The following CSMD3 variants were observed in gnomAD, a reference collection of about 807,000 sequenced individuals.
The protein encoded by CSMD3 is CUB and sushi domain-containing protein 3.
A neutral mutation model predicts 435.2 loss-of-function variants in CSMD3; 177 were observed. That is an observed-to-expected ratio of 0.41 (90% confidence interval 0.36 to 0.46). The LOEUF (loss-of-function observed/expected upper bound fraction) is 0.46, where lower values mean the gene tolerates loss of function less well. CSMD3 is among the 20% of genes least tolerant of loss of function. The pLI, the probability that CSMD3 is intolerant of heterozygous loss-of-function variation, is 0.34. For synonymous variants in CSMD3, 1,656 were observed against 1,520.5 expected (o/e 1.09, Z -2.07); for missense variants, 4,265 against 4,504.6 (o/e 0.95, Z 1.52).
intron 10 of CSMD3, among the ~76,000 whole-genome samples, chr8:112,894,964 C>T (rs1335447813): frequency 1.3e-5 from 2 of 151,220 alleles, no homozygotes; most frequent in Non-Finnish European, 3.0e-5. Context: ...GAAGTAATCA[C>T]TTTTTGCTAG....
At chr8:112,986,398 G>A (rs2130993265) in intron 6 of CSMD3, among the ~76,000 whole-genome samples, 1 of 152,102 alleles carries the variant, frequency 6.6e-6, no homozygotes, top group East Asian at 1.9e-4. Context: ...TTGATCCTGT[G>A]AAAACTTTTG....
At chr8:113,217,592 C>T (rs1455819605) in intron 3 of CSMD3, among the ~76,000 whole-genome samples, 1 of 151,446 alleles carries the variant, frequency 6.6e-6, no homozygotes, top group African/African-American at 2.4e-5. Flanking sequence ...GAGAATTTAA[C>T]AGCGTATTCA....
At chr8:113,369,336 G>A (rs1039327177) in intron 1 of CSMD3, among the ~76,000 whole-genome samples, 1 of 151,722 alleles carries the variant, frequency 6.6e-6, no homozygotes, top group South Asian at 2.1e-4. Flanking sequence ...GAGAAAAAAA[G>A]AACTTTCTCC....
At chr8:112,272,447 T>C (rs1817611905) in intron 59 of CSMD3, among the ~76,000 whole-genome samples, 1 of 152,152 alleles carries the variant, frequency 6.6e-6, no homozygotes, top group African/African-American at 2.4e-5. Context: ...AAAAATTGTG[T>C]CTACAGAGGC....
At chr8:112,611,315 A>G (rs1425443846) in intron 22 of CSMD3, among the ~76,000 whole-genome samples, 2 of 152,188 alleles carry the variant, frequency 1.3e-5, no homozygotes, top group Non-Finnish European at 2.9e-5. Context: ...AGCATTTCTT[A>G]TAGGTATCAT....
At chr8:112,698,717 G>T (rs1028152809) in intron 13 of CSMD3, among the ~76,000 whole-genome samples, 3 of 152,096 alleles carry the variant, frequency 2.0e-5, no homozygotes, top group Non-Finnish European at 4.4e-5. Flanking sequence ...AAATTTAAAT[G>T]CATTCATCCA....
At chr8:112,250,720 T>C (rs536444759) in intron 63 of CSMD3, among the ~76,000 whole-genome samples, 3 of 151,830 alleles carry the variant, frequency 2.0e-5, no homozygotes, top group Non-Finnish European at 2.9e-5. Flanking sequence ...AAAAGTATTA[T>C]TTGTATATCA....
At chr8:112,300,391 T>A (rs1423062224) in intron 53 of CSMD3, among the ~76,000 whole-genome samples, 2 of 151,384 alleles carry the variant, frequency 1.3e-5, no homozygotes, top group African/African-American at 4.8e-5. Flanking sequence ...CAAAATCAGT[T>A]TACAAACTAT....
chr8:112,655,420 TTA>T (rs1191011393), intron 18 of CSMD3, among the ~76,000 whole-genome samples: 19 of 152,214 alleles, frequency 1.2e-4, no homozygotes, highest in Middle Eastern at 6.8e-3. Flanking sequence ...ATATGTAAAT[TTA>T]TATGTTTGCA....
At chr8:112,534,781 A>G (rs1033587992) in intron 27 of CSMD3, among the ~76,000 whole-genome samples, 1 of 152,124 alleles carries the variant, frequency 6.6e-6, no homozygotes, top group Admixed American at 6.6e-5. Flanking sequence ...AAAATCCTCA[A>G]TAAAATACTG....
intron 7 of CSMD3, among the ~76,000 whole-genome samples, chr8:112,968,714 T>G (rs2130898712): frequency 6.6e-6 from 1 of 152,076 alleles, no homozygotes; most frequent in East Asian, 1.9e-4. Context: ...TCTCTACAAC[T>G]TTTTCTTTGG....
intron 2 of CSMD3, among the ~76,000 whole-genome samples, chr8:113,304,100 G>C (rs1391169601): frequency 8.0e-6 from 1 of 124,846 alleles, no homozygotes; most frequent in Non-Finnish European, 1.7e-5. Flanking sequence ...AAAAGTGGGC[G>C]AAGGACATGA....
In CSMD3 at chr8:113,020,019, C is replaced by T. The variant is rs561392318; in HGVS notation, c.918-840G>A. On this transcript the variant is annotated intron_variant, in intron 5 of 70. Transcript: ENST00000297405. The stretch of plus-strand genomic sequence containing the variant: ...TCTACTAAAAATACAAAAAATTAGC[C>T]GGGCGCGGTGGCGGGCGCCTGTAGT... 1.0e-4 allele frequency among the ~76,000 whole-genome samples: 15 copies of T among 150,346 alleles called. No individual in the cohort carries two copies. The South Asian group carries it at 1.7e-3, about 17-fold the overall frequency.
At chr8:112,673,307 G>A (rs962046889) in intron 16 of CSMD3, among the ~76,000 whole-genome samples, 3 of 151,646 alleles carry the variant, frequency 2.0e-5, no homozygotes, top group African/African-American at 7.3e-5. Context: ...AGGATAAGAA[G>A]AGAAAGACAG....
At chr8:113,394,843 A>G (rs1319404283) in intron 1 of CSMD3, among the ~76,000 whole-genome samples, 4 of 152,168 alleles carry the variant, frequency 2.6e-5, no homozygotes, top group African/African-American at 9.7e-5. Context: ...CAAGGTGTTA[A>G]TAAGGTACTA....
intron 59 of CSMD3, among the ~76,000 whole-genome samples, chr8:112,267,234 T>C (rs1250111334): frequency 1.3e-5 from 2 of 152,154 alleles, no homozygotes; most frequent in African/African-American, 2.4e-5. Context: ...TAATGGCATT[T>C]AAATTAAACA....
intron 16 of CSMD3, among the ~76,000 whole-genome samples, chr8:112,668,708 T>C (rs2075585063): frequency 6.6e-6 from 1 of 151,942 alleles, no homozygotes; most frequent in African/African-American, 2.4e-5. Flanking sequence ...GGATTGGAAT[T>C]TCCCAAAATT....
At chr8:112,532,768 T>C (rs911606875) in intron 27 of CSMD3, among the ~76,000 whole-genome samples, 3 of 152,126 alleles carry the variant, frequency 2.0e-5, no homozygotes, top group African/African-American at 7.2e-5. Flanking sequence ...TAAAACTCAC[T>C]GGTAAAATTA....
At position 112,583,385 on chromosome 8, in the gene CSMD3, G is replaced by C. The variant is rs187002606; in HGVS notation, c.3885+3681C>G. On this transcript the variant is annotated intron_variant, in intron 23 of 70. Transcript: ENST00000297405. ...AGAAACTGGATCTTATCACAGGTCA[G>C]AGCAGATTTTGCACTGGTTGTGCTG... is the stretch of plus-strand genomic sequence containing the variant. 3.3e-3 allele frequency among the ~76,000 whole-genome samples: 497 copies of C among 152,050 alleles called. 9 individuals carry two copies. The South Asian group carries it at 0.034, about 10-fold the overall frequency.
Sources: allele counts gnomAD v4.1 joint callset (sites outside exome capture counted in the v4.1 genomes callset), GRCh38; gene constraint gnomAD v4.1.1; transcripts MANE v1.5; gene names NCBI Gene and HGNC (gene_info 2026-07-23, HGNC 2026-07-21).